Variants in RABGEF1 observed in about 807,000 individuals in gnomAD.
RABGEF1 encodes RAB guanine nucleotide exchange factor 1.
Under a neutral mutation model 57.3 loss-of-function variants are expected in RABGEF1, and 26 were observed. The ratio of observed to expected loss-of-function variants is 0.45; its 90% CI spans 0.33 to 0.63. The LOEUF is 0.63. RABGEF1 is among the 20% of genes least tolerant of loss of function. The probability of loss-of-function intolerance (pLI) is 0.02; values close to 1 mark genes in which losing one functional copy is unlikely to be tolerated. For synonymous variants in RABGEF1, 185 were observed against 210.7 expected, an observed-to-expected ratio of 0.88 and a Z score of 1.06; for missense variants, 464 against 607.6, an observed-to-expected ratio of 0.76 and a Z score of 2.48.
chr7:66,772,542 A>G (rs1426174416), intron 2 of RABGEF1, among the ~76,000 whole-genome samples: 1 of 152,196 alleles, frequency 6.6e-6, no homozygotes, highest in Non-Finnish European at 1.5e-5. Flanking sequence ...TAGTCATTGC[A>G]TTGTAGAAAT....
rs1328462805 is a variant in RABGEF1 at position 66,730,454 on chromosome 7, C to T, written c.-814-9542C>T. The stretch of plus-strand genomic sequence containing the variant: ...TTGCCCAGGCTAGAGTGCAGTGTTG[C>T]AATCATAGCTCACTGCAGCGTCAAC... On this transcript the variant is annotated intron_variant and NMD_transcript_variant, in intron 2 of 9. Coordinates refer to the RABGEF1 transcript ENST00000607882. Among the ~76,000 whole-genome samples the T allele has an allele frequency of 2.6e-5, 4 of 152,074 alleles. No individual in the cohort carries two copies. The East Asian group carries it at 5.8e-4, about 22-fold the overall frequency.
chr7:66,690,860 G>C (rs1429249246), intron 1 of RABGEF1, among the ~76,000 whole-genome samples: 2 of 151,956 alleles, frequency 1.3e-5, no homozygotes, highest in African/African-American at 4.8e-5. Flanking sequence ...GAGGAAGGTG[G>C]GTCACTTGAG....
At chr7:66,741,912 G>A (rs1451414785) in intron 1 of RABGEF1, among the ~76,000 whole-genome samples, 3 of 152,084 alleles carry the variant, frequency 2.0e-5, no homozygotes, top group Admixed American at 6.6e-5. Context: ...CAAGGCAGGC[G>A]GATCATGACG....
At chr7:66,710,955 C>CTG (rs1302787769) in intron 1 of RABGEF1, among the ~76,000 whole-genome samples, 1 of 150,420 alleles carries the variant, frequency 6.6e-6, no homozygotes, top group Non-Finnish European at 1.5e-5. Context: ...CCAGCCTGGG[C>CTG]AACATAGCGA....
At chr7:66,795,713 A>G (rs532980473) in intron 5 of RABGEF1, 121 bp downstream of exon 5, 6 of 905,420 alleles carry the variant, frequency 6.6e-6, no homozygotes, top group Middle Eastern at 2.1e-4. Flanking sequence ...CTGTAACCTC[A>G]TGGACATTCT....
chr7:66,692,634 T>G (rs1050712266), intron 1 of RABGEF1, among the ~76,000 whole-genome samples: 32 of 152,204 alleles, frequency 2.1e-4, no homozygotes, highest in Admixed American at 1.9e-3. Flanking sequence ...CCCCTCCAGT[T>G]CTAAGTGGTG....
intron 1 of RABGEF1, among the ~76,000 whole-genome samples, chr7:66,764,797 T>TC (rs1198245215): frequency 4.6e-5 from 7 of 152,386 alleles, no homozygotes; most frequent in Middle Eastern, 3.4e-3. Context: ...TTCTGGAATC[T>TC]CAATTCTATT....
chr7:66,700,400 C>T (rs1313088157), intron 1 of RABGEF1, among the ~76,000 whole-genome samples: 2 of 150,988 alleles, frequency 1.3e-5, no homozygotes, highest in Non-Finnish European at 2.9e-5. Flanking sequence ...GAGGTCTCCC[C>T]GGAAAGTGTT....
chr7:66,725,177 C>T (rs1418137749), intron 2 of RABGEF1, among the ~76,000 whole-genome samples: 3 of 152,130 alleles, frequency 2.0e-5, no homozygotes, highest in Non-Finnish European at 4.4e-5. Flanking sequence ...CATGTCTGTA[C>T]ATCCTTTTAC....
chr7:66,688,318 G>A (rs1791016399), intron 1 of RABGEF1, among the ~76,000 whole-genome samples: 1 of 152,286 alleles, frequency 6.6e-6, no homozygotes, highest in South Asian at 2.1e-4. Flanking sequence ...GAGTTTCACA[G>A]TGATCATTGG....
chr7:66,748,201 T>G (rs1183546947), intron 1 of RABGEF1, among the ~76,000 whole-genome samples: 1 of 152,220 alleles, frequency 6.6e-6, no homozygotes, highest in African/African-American at 2.4e-5. Context: ...CTTATTGGCT[T>G]TTTGTGTAAG....
chr7:66,746,751 G>C (rs1800340973), intron 1 of RABGEF1, among the ~76,000 whole-genome samples: 1 of 150,650 alleles, frequency 6.6e-6, no homozygotes. Context: ...AGCCACCTGA[G>C]TAGCTGGGAA....
upstream of RABGEF1, among the ~76,000 whole-genome samples, chr7:66,680,202 T>C (rs1789599068): frequency 6.6e-6 from 1 of 152,194 alleles, no homozygotes; most frequent in African/African-American, 2.4e-5. Flanking sequence ...ATTTATTGTT[T>C]ATTGGCTCCT....
At chr7:66,790,451 A>G (rs1348756987) in intron 4 of RABGEF1, among the ~76,000 whole-genome samples, 1 of 152,170 alleles carries the variant, frequency 6.6e-6, no homozygotes. Flanking sequence ...CACACTTATG[A>G]ACTACAGGAA....
the RABGEF1 span, among the ~76,000 whole-genome samples, chr7:66,669,487 G>C: frequency 1.3e-5 from 2 of 152,174 alleles, no homozygotes; most frequent in Non-Finnish European, 2.9e-5. Flanking sequence ...GGCAGCAAAA[G>C]ACAAGAAGGT....
chr7:66,688,806 TAAG>T (rs1165262146), intron 1 of RABGEF1, among the ~76,000 whole-genome samples: 2 of 152,100 alleles, frequency 1.3e-5, no homozygotes, highest in Non-Finnish European at 2.9e-5. Context: ...CCTTTAAAAA[TAAG>T]AAAGCCAGGA....
the RABGEF1 span, among the ~76,000 whole-genome samples, chr7:66,659,471 A>T: frequency 1.3e-5 from 2 of 150,840 alleles, no homozygotes; most frequent in East Asian, 4.0e-4. Flanking sequence ...AAAAGAAAAA[A>T]GAAAAAAAAG....
chr7:66,789,411 G>A (rs1182725958), intron 4 of RABGEF1, among the ~76,000 whole-genome samples: 1 of 152,128 alleles, frequency 6.6e-6, no homozygotes, highest in Non-Finnish European at 1.5e-5. Context: ...GGCCGGGTGC[G>A]GTGGCTTACG....
At chr7:66,786,890 A>T (rs553094536) in intron 4 of RABGEF1, among the ~76,000 whole-genome samples, 13 of 152,234 alleles carry the variant, frequency 8.5e-5, no homozygotes, top group Non-Finnish European at 1.9e-4. Flanking sequence ...TTAACACAAA[A>T]TCCTTTTATG....
Sources: gnomAD v4.1 joint callset for allele counts (sites outside exome capture counted in the v4.1 genomes callset) on GRCh38, gnomAD v4.1.1 for gene constraint, MANE v1.5 for transcripts, NCBI Gene and HGNC (gene_info 2026-07-23, HGNC 2026-07-21) for gene names.